The following SARAF variants were observed in gnomAD, a reference collection of about 807,000 sequenced individuals.
The protein encoded by SARAF is store-operated calcium entry associated regulatory factor, also known as store-operated calcium entry-associated regulatory factor.
In SARAF, 23 loss-of-function variants were observed where a neutral mutation model predicts 39.7. The ratio of observed to expected loss-of-function variants is 0.58; its 90% confidence interval spans 0.42 to 0.82. SARAF has a LOEUF of 0.82. Ranked by LOEUF, SARAF falls within the 40% of genes least tolerant of loss-of-function variation. The probability of loss-of-function intolerance (pLI) is 0.00; values close to 1 mark genes in which losing one functional copy is unlikely to be tolerated. For synonymous variants in SARAF, 175 were observed against 168.5 expected (o/e 1.04, Z -0.30); for missense variants, 384 against 418.5 (o/e 0.92, Z 0.72).
At chr8:30,071,556 C>T (rs947509398) in intron 2 of SARAF, among the ~76,000 whole-genome samples, 1 of 152,138 alleles carries the variant, frequency 6.6e-6, no homozygotes. Flanking sequence ...GCTACTGTCA[C>T]CACAATCAAT....
chr8:30,071,879 C>T (rs1048129857), intron 2 of SARAF, among the ~76,000 whole-genome samples: 34 of 152,072 alleles, frequency 2.2e-4, no homozygotes, highest in African/African-American at 8.2e-4. Flanking sequence ...ATTGTTTCTA[C>T]TTTTTGGCTA....
Position 30,083,059 on chromosome 8 carries a change from G to A in SARAF, c.-110C>T, listed in dbSNP as rs1448206487. The A allele has an allele frequency of 6.5e-6, 5 of 763,538 alleles. No individual in the cohort carries two copies. The highest frequency in any genetic ancestry group is 3.8e-5 in the African/African-American group (2 of 53,012). The allele number at this position is 763,538 out of a possible 1,614,324, so 47.3% of individuals were successfully genotyped here. A position where few individuals can be genotyped will look rare whatever the true frequency, so the allele number is the denominator to read the frequency against. ...CACCGCTACCCCTGGCGGCGGCGAA[G>A]GAACGGCCCGACTGCAGAGCTGCAG... is the stretch of plus-strand genomic sequence containing the variant. On this transcript the variant is annotated 5_prime_UTR_variant, in exon 1 of 6. Transcript: ENST00000256255.
chr8:30,064,545 ATATATATATATATATATT>A (rs1395247200), intron 5 of SARAF, among the ~76,000 whole-genome samples: 1 of 32,972 alleles, frequency 3.0e-5, no homozygotes, highest in Non-Finnish European at 6.1e-5. Context: ...ATATATATAT[ATATATATATATATATATT>A]TTTTTTTTTT....
At chr8:30,070,492 G>A (rs569446497) in intron 2 of SARAF, among the ~76,000 whole-genome samples, 1 of 152,318 alleles carries the variant, frequency 6.6e-6, no homozygotes, top group South Asian at 2.1e-4. Flanking sequence ...ATTCACAATG[G>A]TAAGTATTCA....
intron 5 of SARAF, among the ~76,000 whole-genome samples, chr8:30,065,505 G>A (rs1416939115): frequency 6.6e-6 from 1 of 152,066 alleles, no homozygotes; most frequent in African/African-American, 2.4e-5. Flanking sequence ...TTACCCAGCA[G>A]CTCCCAATTA....
At position 30,069,904 on chromosome 8, in the gene SARAF, C is replaced by A; in HGVS notation, c.438G>T (p.Leu146=). ...LDYTELGLQK[L]KESGKQHGFA... ...AGCCGTGCTGCTTTCCAGACTCCTTCAGTTTCTGCAGGCCAAGTTCTGTAT... is the reference window on the plus strand; with the variant it reads ...AGCCGTGCTGCTTTCCAGACTCCTTAAGTTTCTGCAGGCCAAGTTCTGTAT... Residue 146 remains leucine (L), a synonymous_variant, in exon 3 of 6, where the codon CTG becomes CTT. Coordinates refer to ENST00000256255, the MANE Select transcript of SARAF (RefSeq NM_016127.6). The A allele has an allele frequency of 6.2e-7, 1 of 1,614,166 alleles. No individual in the cohort carries two copies. Among genetic ancestry groups the A allele is most frequent in the Non-Finnish European group, 8.5e-7 (1 of 1,180,040 alleles).
intron 1 of SARAF, among the ~76,000 whole-genome samples, chr8:30,077,315 A>C (rs1338104773): frequency 6.6e-6 from 1 of 152,088 alleles, no homozygotes; most frequent in African/African-American, 2.4e-5. Flanking sequence ...AACATTAGCC[A>C]GGTATGGTGG....
chr8:30,071,000 T>G (rs1563353955), intron 2 of SARAF, among the ~76,000 whole-genome samples: 2 of 152,204 alleles, frequency 1.3e-5, no homozygotes, highest in South Asian at 4.1e-4. Flanking sequence ...TGGTCTAGAT[T>G]CTATATTTTG....
At chr8:30,066,707 T>C (rs1801700198) in intron 4 of SARAF, 70 bp downstream of exon 4, 2 of 1,553,244 alleles carry the variant, frequency 1.3e-6, no homozygotes, top group Non-Finnish European at 1.8e-6. Context: ...CAAAACTAAA[T>C]GCAGTTAAAT....
At chr8:30,065,336 T>A (rs1330535800) in intron 5 of SARAF, among the ~76,000 whole-genome samples, 1 of 152,226 alleles carries the variant, frequency 6.6e-6, no homozygotes, top group African/African-American at 2.4e-5. Flanking sequence ...TTTAATTGAA[T>A]GTATCAATAT....
At chr8:30,077,741 G>A (rs1315306502) in intron 1 of SARAF, among the ~76,000 whole-genome samples, 1 of 151,994 alleles carries the variant, frequency 6.6e-6, no homozygotes, top group Non-Finnish European at 1.5e-5. Flanking sequence ...AGCAGAGGTT[G>A]CAGTGAGCCA....
intron 3 of SARAF, among the ~76,000 whole-genome samples, chr8:30,068,343 A>T (rs1287320879): frequency 6.6e-6 from 1 of 152,170 alleles, no homozygotes; most frequent in Non-Finnish European, 1.5e-5. Flanking sequence ...TCTAGGTTGC[A>T]TGCTCCTTAT....
chr8:30,068,477 A>G (rs1478002933), intron 3 of SARAF, among the ~76,000 whole-genome samples: 1 of 152,226 alleles, frequency 6.6e-6, no homozygotes, highest in Admixed American at 6.5e-5. Flanking sequence ...TAATTATTTC[A>G]TTATATATTA....
chr8:30,069,134 A>ATT (rs36096551), intron 3 of SARAF, among the ~76,000 whole-genome samples: 11,857 of 97,348 alleles, frequency 0.12, 891 homozygotes, highest in African/African-American at 0.18. Flanking sequence ...TTAATCAGGC[A>ATT]TTTTTTTTTT....
upstream of SARAF, chr8:30,083,160 C>T (rs1447488465): frequency 6.3e-6 from 3 of 472,680 alleles, no homozygotes; most frequent in Non-Finnish European, 1.1e-5. Flanking sequence ...CCGCCGTGGG[C>T]CCCCGCCCCT....
intron 1 of SARAF, among the ~76,000 whole-genome samples, chr8:30,075,140 A>C (rs1162610703): frequency 6.6e-6 from 1 of 151,960 alleles, no homozygotes; most frequent in Non-Finnish European, 1.5e-5. Flanking sequence ...ATCTCTACTA[A>C]ATATACAAAA....
At position 30,063,322 on chromosome 8, in the gene SARAF, AG is replaced by A. The variant is rs1337625001; in HGVS notation, c.*565del. 1 of 152,542 alleles carries A rather than the reference AG, an allele frequency of 6.6e-6. No homozygotes were observed. Among genetic ancestry groups the A allele is most frequent in the African/African-American group, 2.4e-5 (1 of 41,446 alleles). 9.4% of individuals were successfully genotyped at this position (152,542 alleles called of 1,614,324 possible). On this transcript the variant is annotated 3_prime_UTR_variant, in exon 6 of 6. Coordinates refer to ENST00000256255, the MANE Select transcript of SARAF (RefSeq NM_016127.6). ...ATGCTTATTTTCTACCTTTTCCTAC[AG>A]AAGGTAATATTCAGTTACCAGAAGG...
chr8:30,071,214 G>A lies in SARAF; in HGVS notation c.283-1155C>T, dbSNP rs147761914. Among the ~76,000 whole-genome samples, 1,123 of 152,228 alleles carry A rather than the reference G, an allele frequency of 7.4e-3. 24 individuals carry two copies. Among genetic ancestry groups the A allele is most frequent in the African/African-American group, 0.026 (1,075 of 41,536 alleles). ...AAATGAGGTGGGCATGGTGGCAGGC[G>A]CCTGTAATCCCAGCTACTTCAAAAA... On this transcript the variant is annotated intron_variant, in intron 2 of 5. Transcript: ENST00000256255.
At chr8:30,076,758 C>T (rs1417105333) in intron 1 of SARAF, among the ~76,000 whole-genome samples, 1 of 152,090 alleles carries the variant, frequency 6.6e-6, no homozygotes, top group Non-Finnish European at 1.5e-5. Context: ...GCCCCTTTCC[C>T]CTCTCTCACT....
Sources: gnomAD v4.1 joint callset for allele counts (sites outside exome capture counted in the v4.1 genomes callset) on GRCh38, gnomAD v4.1.1 for gene constraint, MANE v1.5 for transcripts, NCBI Gene and HGNC (gene_info 2026-07-23, HGNC 2026-07-21) for gene names.